CUL4A: variants seen among roughly 807,000 people sequenced by gnomAD.
CUL4A encodes the protein cullin-4A.
A neutral mutation model predicts 95.5 loss-of-function variants in CUL4A; 16 were observed. The ratio of observed to expected loss-of-function variants is 0.17; its 90% CI spans 0.11 to 0.25. The LOEUF is 0.25. Among genes scored for constraint, CUL4A ranks in the 10% least tolerant of loss-of-function variants. The pLI is 1.00. For synonymous variants in CUL4A, 380 were observed against 353.1 expected, an observed-to-expected ratio of 1.08 and a Z score of -0.85; for missense variants, 610 against 937.0, an observed-to-expected ratio of 0.65 and a Z score of 4.56.
intron 11 of CUL4A, among the ~76,000 whole-genome samples, chr13:113,243,607 G>A (rs995320187): frequency 7.3e-5 from 11 of 151,384 alleles, no homozygotes; most frequent in Non-Finnish European, 1.0e-4. Context: ...TTAATTCGAA[G>A]GAGAAAGGGG....
chr13:113,231,526 A>G (rs1212311847), intron 5 of CUL4A, among the ~76,000 whole-genome samples: 2 of 152,190 alleles, frequency 1.3e-5, no homozygotes, highest in Non-Finnish European at 2.9e-5. Flanking sequence ...AGAAGATCCC[A>G]GTGGCAGGGT....
Position 113,264,882 on chromosome 13 carries a change from A to G in CUL4A, c.*1300A>G, listed in dbSNP as rs940700730. ...TCCTCACTCTTTAATTGTCATTTCTATCTTTGAAAATTTTCATTTATGAGT... is the reference window on the plus strand; with the variant it reads ...TCCTCACTCTTTAATTGTCATTTCTGTCTTTGAAAATTTTCATTTATGAGT... On this transcript the variant is annotated 3_prime_UTR_variant, in exon 20 of 20. Coordinates refer to ENST00000375440, the MANE Select transcript of CUL4A (RefSeq NM_001008895.4). 2 of 152,210 alleles carry G rather than the reference A, an allele frequency of 1.3e-5. No homozygotes were observed. Among genetic ancestry groups the G allele is most frequent in the East Asian group, 1.9e-4 (1 of 5,186 alleles). 9.4% of individuals were successfully genotyped at this position (152,210 alleles called of 1,614,324 possible).
rs576277801 is a variant in CUL4A, at chr13:113,264,816, C to G, written c.*1234C>G. On this transcript the variant is annotated 3_prime_UTR_variant, in exon 20 of 20. Coordinates refer to ENST00000375440, the MANE Select transcript of CUL4A (RefSeq NM_001008895.4). ...ATTAAGAGTCTCTTTTTGAAACATGCGGGTTTGAAATATGACACCTTGTGG... is the reference window on the plus strand; with the variant it reads ...ATTAAGAGTCTCTTTTTGAAACATGGGGGTTTGAAATATGACACCTTGTGG... The G allele has an allele frequency of 5.9e-5, 9 of 152,506 alleles. No homozygotes were observed. Among genetic ancestry groups the G allele is most frequent in the South Asian group, 4.1e-4 (2 of 4,830 alleles). 9.4% of individuals were successfully genotyped at this position (152,506 alleles called of 1,614,324 possible).
intron 3 of CUL4A, among the ~76,000 whole-genome samples, chr13:113,221,352 A>C (rs1243867065): frequency 6.6e-6 from 1 of 152,182 alleles, no homozygotes; most frequent in East Asian, 1.9e-4. Flanking sequence ...TGATGGGATA[A>C]GTTTACATAT....
At chr13:113,259,108 A>G (rs917369793) in intron 18 of CUL4A, among the ~76,000 whole-genome samples, 2 of 152,204 alleles carry the variant, frequency 1.3e-5, no homozygotes, top group African/African-American at 4.8e-5. Context: ...AAAACTCTTT[A>G]GCTTTGAAAG....
chr13:113,208,495 G>C (rs990318000), upstream of CUL4A: 1 of 1,545,360 alleles, frequency 6.5e-7, no homozygotes, highest in Non-Finnish European at 8.7e-7. Flanking sequence ...AAGAAGGGTG[G>C]CGAGGCGGGA....
At chr13:113,242,761 C>T (rs1183539593) in intron 10 of CUL4A, among the ~76,000 whole-genome samples, 4 of 152,232 alleles carry the variant, frequency 2.6e-5, no homozygotes, top group African/African-American at 7.2e-5. Flanking sequence ...ACTCCAGCCT[C>T]GGCCGCAGAG....
At chr13:113,221,056 C>A (rs2040879309) in intron 3 of CUL4A, among the ~76,000 whole-genome samples, 1 of 152,000 alleles carries the variant, frequency 6.6e-6, no homozygotes, top group South Asian at 2.1e-4. Flanking sequence ...GGCAGAGCCT[C>A]CCAGAGGAGA....
intron 14 of CUL4A, 72 bp downstream of exon 14, chr13:113,245,309 C>A: frequency 7.4e-7 from 1 of 1,355,356 alleles, no homozygotes; most frequent in Non-Finnish European, 1.1e-6. Context: ...TGCCTGTAAT[C>A]CCAGCACTTT....
intron 15 of CUL4A, among the ~76,000 whole-genome samples, chr13:113,247,721 T>C (rs1196753507): frequency 6.6e-6 from 1 of 152,222 alleles, no homozygotes; most frequent in Admixed American, 6.5e-5. Flanking sequence ...CTTTCCACGC[T>C]GGCCACGTGG....
intron 16 of CUL4A, among the ~76,000 whole-genome samples, chr13:113,253,577 T>G (rs1361826335): frequency 6.6e-6 from 1 of 151,862 alleles, no homozygotes; most frequent in African/African-American, 2.4e-5. Context: ...AAAAAAAAAT[T>G]AAAAAAAACA....
rs146197104 is a variant in CUL4A, at chr13:113,213,021, T to C, written c.264+2933T>C. Among the ~76,000 whole-genome samples the C allele has an allele frequency of 4.5e-3, 689 of 152,264 alleles. 3 individuals carry two copies. Among genetic ancestry groups the C allele is most frequent in the Non-Finnish European group, 7.7e-3 (526 of 68,022 alleles). ...GAATTTTAGAATCGGCCAATTTGTA[T>C]AAGAAAGTGTGCTAAGATTTTGATT... On this transcript the variant is annotated intron_variant, in intron 2 of 19. Transcript: ENST00000375440.
intron 11 of CUL4A, 50 bp downstream of exon 11, chr13:113,243,210 C>A: frequency 6.6e-7 from 1 of 1,521,454 alleles, no homozygotes; most frequent in African/African-American, 1.4e-5. Context: ...GACAGTCTCA[C>A]CCATTTCTAG....
At chr13:113,229,576 C>T (rs1380077295) in intron 5 of CUL4A, 57 bp downstream of exon 5, 12 of 1,406,838 alleles carry the variant, frequency 8.5e-6, no homozygotes, top group East Asian at 2.3e-5. Flanking sequence ...CTTTTCGTCC[C>T]GTTTGTGTCT....
At chr13:113,242,188 A>T (rs371347911) in intron 10 of CUL4A, among the ~76,000 whole-genome samples, 1 of 151,780 alleles carries the variant, frequency 6.6e-6, no homozygotes, top group East Asian at 2.0e-4. Context: ...TCCCAGCTAC[A>T]TGGGAGGCGG....
intron 5 of CUL4A, among the ~76,000 whole-genome samples, chr13:113,232,075 T>TACCCGCCCACCACCATTACTGTCACCACC (rs2041344925): frequency 2.8e-5 from 2 of 72,528 alleles, no homozygotes; most frequent in Non-Finnish European, 7.2e-5. Context: ...CTGTCACCAC[T>TACCCGCCCACCACCATTACTGTCACCACC]ACCCGCCCAC....
intron 10 of CUL4A, among the ~76,000 whole-genome samples, chr13:113,242,394 C>T (rs551891808): frequency 8.5e-5 from 13 of 152,312 alleles, no homozygotes; most frequent in African/African-American, 3.1e-4. Context: ...CTTGGAGGAA[C>T]TTACACATAA....
At chr13:113,251,333 G>T (rs1043945734) in intron 15 of CUL4A, among the ~76,000 whole-genome samples, 1 of 152,206 alleles carries the variant, frequency 6.6e-6, no homozygotes, top group Non-Finnish European at 1.5e-5. Context: ...TGGAATGATC[G>T]ACTGAACTGG....
chr13:113,212,567 G>T (rs2040490274), intron 2 of CUL4A, among the ~76,000 whole-genome samples: 1 of 152,192 alleles, frequency 6.6e-6, no homozygotes, highest in Non-Finnish European at 1.5e-5. Context: ...TAGATCGCCT[G>T]AGCGTCAGGA....
Sources: gnomAD v4.1 joint callset for allele counts (sites outside exome capture counted in the v4.1 genomes callset) on GRCh38, gnomAD v4.1.1 for gene constraint, MANE v1.5 for transcripts, NCBI Gene and HGNC (gene_info 2026-07-23, HGNC 2026-07-21) for gene names.